The following DYNLRB1 variants were observed in gnomAD, a reference collection of about 807,000 sequenced individuals.
DYNLRB1 encodes dynein light chain roadblock-type 1.
DYNLRB1 carries 6 observed loss-of-function variants against 13.5 expected under a neutral mutation model. The ratio of observed to expected loss-of-function variants is 0.44; its 90% confidence interval spans 0.24 to 0.88. The LOEUF is 0.88. Ranked by LOEUF, DYNLRB1 falls within the 40% of genes least tolerant of loss-of-function variation. The pLI is 0.21. For synonymous variants in DYNLRB1, 43 were observed against 45.0 expected (o/e 0.96, Z 0.18); for missense variants, 93 against 127.2 (o/e 0.73, Z 1.29).
chr20:34,523,141 G>A (rs1037141734), intron 1 of DYNLRB1, among the ~76,000 whole-genome samples: 9 of 152,098 alleles, frequency 5.9e-5, no homozygotes, highest in African/African-American at 1.7e-4. Flanking sequence ...AGCCTCCTGC[G>A]GGCTCTGGAG....
chr20:34,522,679 G>A (rs774472979), intron 1 of DYNLRB1, among the ~76,000 whole-genome samples: 14 of 151,852 alleles, frequency 9.2e-5, no homozygotes, highest in Non-Finnish European at 1.8e-4. Context: ...TCACCATGTT[G>A]CCCAGGCTGG....
chr20:34,529,972 A>C, intron 2 of DYNLRB1: 1 of 1,347,670 alleles, frequency 7.4e-7, no homozygotes, highest in Non-Finnish European at 9.6e-7. Flanking sequence ...AACTGCCTCG[A>C]GTCCTGTGAT....
chr20:34,526,396 A>G (rs8116198), intron 2 of DYNLRB1, 53 bp downstream of exon 2: 182,417 of 1,578,854 alleles, frequency 0.12, 11,991 homozygotes, highest in Non-Finnish European at 0.14. Flanking sequence ...AGAAGCAGCC[A>G]TAACACAGCA....
chr20:34,528,440 G>A (rs1010466912), intron 2 of DYNLRB1, among the ~76,000 whole-genome samples: 32 of 151,498 alleles, frequency 2.1e-4, no homozygotes, highest in African/African-American at 7.3e-4. Flanking sequence ...ATAGAGCAGC[G>A]TGACCAGTGA....
At chr20:34,531,208 T>C (rs1432629683) in intron 2 of DYNLRB1, 2 of 152,256 alleles carry the variant, frequency 1.3e-5, no homozygotes. Context: ...TTAAAGTATC[T>C]GTTGAATTTT....
chr20:34,535,004 C>G (rs577497401), intron 3 of DYNLRB1: 1 of 1,413,926 alleles, frequency 7.1e-7, no homozygotes, highest in East Asian at 2.6e-5. Context: ...GAGGGTAACC[C>G]CAGTCTCCTG....
intron 2 of DYNLRB1, among the ~76,000 whole-genome samples, chr20:34,527,059 C>T (rs1042414624): frequency 1.3e-5 from 2 of 152,220 alleles, no homozygotes; most frequent in Admixed American, 6.5e-5. Context: ...CATACCCGCT[C>T]TGTGCCAAGA....
At chr20:34,516,402 A>G, upstream of DYNLRB1, 1 of 1,601,366 alleles carries the variant, frequency 6.2e-7, no homozygotes, top group Non-Finnish European at 8.5e-7. Context: ...GCGCAGGCGC[A>G]GAAAGGCACA....
At chr20:34,533,034 T>G (rs975251623) in intron 2 of DYNLRB1, among the ~76,000 whole-genome samples, 6 of 152,144 alleles carry the variant, frequency 3.9e-5, no homozygotes, top group Non-Finnish European at 5.9e-5. Flanking sequence ...TGGGGTCCCA[T>G]GGATGGAGTC....
chr20:34,525,702 C>T (rs1047034932), intron 1 of DYNLRB1, among the ~76,000 whole-genome samples: 1 of 152,134 alleles, frequency 6.6e-6, no homozygotes, highest in Non-Finnish European at 1.5e-5. Flanking sequence ...CTTACAGATG[C>T]CATATGCAAG....
upstream of DYNLRB1, among the ~76,000 whole-genome samples, chr20:34,516,076 G>A (rs1979139882): frequency 6.6e-6 from 1 of 152,104 alleles, no homozygotes; most frequent in Non-Finnish European, 1.5e-5. Context: ...TTATTTTTTA[G>A]TAGAGAAGGG....
chr20:34,518,306 CT>C (rs1456181232), intron 1 of DYNLRB1, among the ~76,000 whole-genome samples: 1 of 152,020 alleles, frequency 6.6e-6, no homozygotes, highest in Non-Finnish European at 1.5e-5. Context: ...ATACCTCAAG[CT>C]TTGTTCTTTT....
At chr20:34,526,365 G>A (rs761960215) in intron 2 of DYNLRB1, 22 bp downstream of exon 2, 4 of 1,613,140 alleles carry the variant, frequency 2.5e-6, no homozygotes, top group South Asian at 1.1e-5. Flanking sequence ...CTCCCGCCAT[G>A]ACCCGCACCC....
chr20:34,527,395 A>G (rs1018578091), intron 2 of DYNLRB1, among the ~76,000 whole-genome samples: 6 of 152,314 alleles, frequency 3.9e-5, no homozygotes, highest in South Asian at 2.1e-4. Context: ...TATAAGTTGA[A>G]GAGTAACTAA....
At chr20:34,515,759 G>T (rs376416025), upstream of DYNLRB1, among the ~76,000 whole-genome samples, 4 of 152,232 alleles carry the variant, frequency 2.6e-5, no homozygotes, top group Non-Finnish European at 4.4e-5. Context: ...CGTCCCACTT[G>T]CCTTCATACC....
intron 3 of DYNLRB1, chr20:34,536,409 T>A (rs2146651626): frequency 1.0e-6 from 1 of 985,380 alleles, no homozygotes; most frequent in Non-Finnish European, 1.2e-6. Context: ...TCCTCCCAGG[T>A]TGTCATGTTG....
chr20:34,535,838 A>T, intron 3 of DYNLRB1: 2 of 985,186 alleles, frequency 2.0e-6, no homozygotes, highest in Non-Finnish European at 2.4e-6. Flanking sequence ...GCAGGAGGTG[A>T]TAGGATTATG....
At chr20:34,525,019 C>T (rs1057003030) in intron 1 of DYNLRB1, among the ~76,000 whole-genome samples, 5 of 152,232 alleles carry the variant, frequency 3.3e-5, no homozygotes, top group East Asian at 1.9e-4. Flanking sequence ...GCCGCCGCAC[C>T]GGCCCCATTT....
At chr20:34,533,859 G>A (rs1980903785) in intron 2 of DYNLRB1, among the ~76,000 whole-genome samples, 1 of 151,334 alleles carries the variant, frequency 6.6e-6, no homozygotes, top group African/African-American at 2.4e-5. Flanking sequence ...TTGTAAGGCA[G>A]GGTGCGATGG....
Sources: gnomAD v4.1 joint callset for allele counts (sites outside exome capture counted in the v4.1 genomes callset) on GRCh38, gnomAD v4.1.1 for gene constraint, MANE v1.5 for transcripts, NCBI Gene and HGNC (gene_info 2026-07-23, HGNC 2026-07-21) for gene names.